Variants in SEM1 observed in about 807,000 individuals in gnomAD.
SEM1 encodes 26S proteasome complex subunit SEM1.
A neutral mutation model predicts 12.7 loss-of-function variants in SEM1; 3 were observed. The observed-to-expected ratio is 0.24, with a 90% CI of 0.11 to 0.61. SEM1 has a LOEUF of 0.61. SEM1 is among the 20% of genes least tolerant of loss of function. The pLI is 0.88. For missense variants in SEM1, 59 were observed against 81.3 expected (o/e 0.73, Z 1.06); for synonymous variants, 30 against 27.8 (o/e 1.08, Z -0.25).
chr7:96,576,477 T>C (rs1158503283), intron 2 of SEM1, among the ~76,000 whole-genome samples: 1 of 152,194 alleles, frequency 6.6e-6, no homozygotes, highest in Non-Finnish European at 1.5e-5. Context: ...CTGTGTTCAC[T>C]TTACTTTGCT....
chr7:96,640,385 T>C lies in SEM1; in HGVS notation c.171-17742A>G, dbSNP rs1808554661. On this transcript the variant is annotated intron_variant, in intron 2 of 2. Transcript: ENST00000417009. This position sits in a 1 kb window ranked among gnomAD's most constrained non-coding sequence, Gnocchi z 4.0. ...GGTACATAAAGATAATGGACTATTT[T>C]CCAGTGCTAAAAAGAAATGAGCTAC... Among the ~76,000 whole-genome samples the C allele has an allele frequency of 6.6e-6, 1 of 152,020 alleles. No individual in the cohort carries two copies. Among genetic ancestry groups the C allele is most frequent in the Admixed American group, 6.6e-5 (1 of 15,230 alleles).
intron 2 of SEM1, among the ~76,000 whole-genome samples, chr7:96,531,606 G>GAA (rs5885966): frequency 6.9e-5 from 9 of 129,766 alleles, no homozygotes; most frequent in African/African-American, 1.1e-4. Context: ...ACTCTGTGTG[G>GAA]AAAAAAAAAA....
chr7:96,552,983 T>C (rs1805338153), intron 2 of SEM1, among the ~76,000 whole-genome samples: 2 of 151,988 alleles, frequency 1.3e-5, no homozygotes, highest in East Asian at 1.9e-4. Context: ...TTTGGCTGCA[T>C]AAATGTCTTC....
At chr7:96,503,636 C>T (rs888856405) in intron 3 of SEM1, 8 of 152,116 alleles carry the variant, frequency 5.3e-5, no homozygotes, top group Admixed American at 4.6e-4. Context: ...GGGTTTCCTA[C>T]ACCTTAGCCT....
intron 2 of SEM1, among the ~76,000 whole-genome samples, chr7:96,599,135 CTT>C (rs966683637): frequency 6.6e-5 from 10 of 152,094 alleles, no homozygotes; most frequent in African/African-American, 2.4e-4. Flanking sequence ...TTGCCTTTCT[CTT>C]TGCGGCCTGT....
intron 2 of SEM1, among the ~76,000 whole-genome samples, chr7:96,644,746 C>G (rs992997601): frequency 6.6e-6 from 1 of 152,122 alleles, no homozygotes; most frequent in Non-Finnish European, 1.5e-5. Context: ...GACAGCTTTC[C>G]TGAAAGTTGG....
chr7:96,701,753 G>A (rs1166493323), intron 1 of SEM1, among the ~76,000 whole-genome samples: 2 of 152,080 alleles, frequency 1.3e-5, no homozygotes, highest in African/African-American at 2.4e-5. Context: ...CATTCATGAG[G>A]TCAGTAATGA....
At chr7:96,597,272 G>A (rs1807029643) in intron 2 of SEM1, among the ~76,000 whole-genome samples, 1 of 152,064 alleles carries the variant, frequency 6.6e-6, no homozygotes, top group African/African-American at 2.4e-5. Flanking sequence ...ACACTCAGGA[G>A]CATAAAACAA....
At chr7:96,576,845 T>C (rs1008397475) in intron 2 of SEM1, among the ~76,000 whole-genome samples, 8 of 152,152 alleles carry the variant, frequency 5.3e-5, no homozygotes, top group Admixed American at 1.3e-4. Flanking sequence ...AGGCTGGGCG[T>C]GGTCACTTAT....
intron 2 of SEM1, among the ~76,000 whole-genome samples, chr7:96,636,792 C>T (rs534287163): frequency 2.2e-4 from 34 of 152,112 alleles, no homozygotes; most frequent in Non-Finnish European, 2.1e-4. Flanking sequence ...AGAATGGAGA[C>T]ACCACTCCTC....
chr7:96,646,352 T>C (rs1244363337), intron 2 of SEM1, among the ~76,000 whole-genome samples: 1 of 152,212 alleles, frequency 6.6e-6, no homozygotes, highest in African/African-American at 2.4e-5. Flanking sequence ...CTTAACTACT[T>C]AGTTTATCCA....
intron 2 of SEM1, among the ~76,000 whole-genome samples, chr7:96,643,091 C>T (rs1808665868): frequency 6.6e-6 from 1 of 152,008 alleles, no homozygotes; most frequent in Admixed American, 6.6e-5. Context: ...TCCTGATACT[C>T]TCTCTCCTCC....
At chr7:96,499,439 G>A (rs1803426390), upstream of SEM1, among the ~76,000 whole-genome samples, 1 of 152,170 alleles carries the variant, frequency 6.6e-6, no homozygotes, top group African/African-American at 2.4e-5. Context: ...AAAGTGAGTA[G>A]CCCTGTGCCG....
In SEM1 at chr7:96,483,952, T is replaced by TG. The variant is rs1256833740; in HGVS notation, c.293dup (p.Pro99ThrfsTer7). 3.9e-6 allele frequency: 6 copies of TG among 1,534,896 alleles called. No homozygotes were observed. Among genetic ancestry groups the TG allele is most frequent in the Non-Finnish European group, 5.2e-6 (6 of 1,145,628 alleles). Reference sequence around the variant, plus strand: ...AATCTTCACAGTGCACCAAGGATGGTGGGGGGCTCAGTGGAGCAGTGGAAA... The same window carrying TG: ...AATCTTCACAGTGCACCAAGGATGGTGGGGGGGCTCAGTGGAGCAGTGGAAA... On this transcript the variant is annotated frameshift_variant, in exon 4 of 4. Transcript: ENST00000356686. LOFTEE classifies it high-confidence loss of function.
At chr7:96,608,335 C>A (rs1807446228) in intron 2 of SEM1, among the ~76,000 whole-genome samples, 1 of 152,082 alleles carries the variant, frequency 6.6e-6, no homozygotes, top group Admixed American at 6.5e-5. Context: ...TTCCGAGCAT[C>A]AGTGCTTCCC....
chr7:96,651,064 GTTCTCCA>G (rs1404693955), intron 2 of SEM1, among the ~76,000 whole-genome samples: 2 of 152,210 alleles, frequency 1.3e-5, no homozygotes, highest in African/African-American at 2.4e-5. Flanking sequence ...CAGACTCCAT[GTTCTCCA>G]GAAGAACAGC....
At chr7:96,486,270 C>T in exon 2 of SEM1, 1 of 1,536,948 alleles carries the variant, frequency 6.5e-7, no homozygotes. Flanking sequence ...TGTTGCTTTG[C>T]AAAGGCCGGA....
At chr7:96,691,732 T>TA (rs1789938416) in intron 2 of SEM1, among the ~76,000 whole-genome samples, 1 of 152,242 alleles carries the variant, frequency 6.6e-6, no homozygotes, top group Non-Finnish European at 1.5e-5. Flanking sequence ...TTCAATATGG[T>TA]AGTCATATGT....
intron 1 of SEM1, among the ~76,000 whole-genome samples, chr7:96,708,962 G>C (rs1584879590): frequency 6.6e-6 from 1 of 152,220 alleles, no homozygotes; most frequent in East Asian, 1.9e-4. Flanking sequence ...AAATGTGTAA[G>C]GTTTAGGTTC....
Sources: gnomAD v4.1 joint callset for allele counts (sites outside exome capture counted in the v4.1 genomes callset) on GRCh38, gnomAD v4.1.1 for gene constraint, Gnocchi (gnomAD v3.1) non-coding constraint, MANE v1.5 for transcripts, NCBI Gene and HGNC (gene_info 2026-07-23, HGNC 2026-07-21) for gene names.